The following GNA12 variants were observed in gnomAD, a reference collection of about 807,000 sequenced individuals.
GNA12 encodes guanine nucleotide-binding protein subunit alpha-12.
In GNA12, 9 loss-of-function variants were observed where a neutral mutation model predicts 26.0. The observed-to-expected ratio is 0.35, with a 90% CI of 0.21 to 0.60. The LOEUF is 0.60. Ranked by LOEUF, GNA12 falls within the 20% of genes least tolerant of loss-of-function variation. The probability of loss-of-function intolerance (pLI) is 0.78; values close to 1 mark genes in which losing one functional copy is unlikely to be tolerated. For missense variants in GNA12, 405 were observed against 525.8 expected (o/e 0.77, Z 2.25); for synonymous variants, 264 against 219.6 (o/e 1.20, Z -1.79).
At chr7:2,782,008 A>C (rs768267784) in intron 2 of GNA12, among the ~76,000 whole-genome samples, 7 of 152,226 alleles carry the variant, frequency 4.6e-5, no homozygotes, top group Non-Finnish European at 1.0e-4. Flanking sequence ...ATAAACCCAC[A>C]TATCTATGGC....
chr7:2,811,240 G>A (rs1393935117), intron 1 of GNA12, among the ~76,000 whole-genome samples: 1 of 151,152 alleles, frequency 6.6e-6, no homozygotes, highest in East Asian at 1.9e-4. Flanking sequence ...TGACTTCTGT[G>A]CACAACATCT....
intron 2 of GNA12, among the ~76,000 whole-genome samples, chr7:2,766,277 T>A (rs549079343): frequency 3.3e-5 from 5 of 152,322 alleles, no homozygotes; most frequent in African/African-American, 1.2e-4. Flanking sequence ...TTGTAGCTAG[T>A]ATGTTAGCTG....
At chr7:2,802,177 T>C (rs947847472) in intron 1 of GNA12, among the ~76,000 whole-genome samples, 1 of 152,090 alleles carries the variant, frequency 6.6e-6, no homozygotes, top group African/African-American at 2.4e-5. Flanking sequence ...AGTAATGGTA[T>C]TACTGAAGTA....
At chr7:2,750,891 T>C (rs1323325130) in intron 2 of GNA12, among the ~76,000 whole-genome samples, 1 of 152,022 alleles carries the variant, frequency 6.6e-6, no homozygotes, top group African/African-American at 2.4e-5. Context: ...AATATGAGGG[T>C]GCGAATGGAA....
chr7:2,752,724 T>A (rs529575463), intron 2 of GNA12, among the ~76,000 whole-genome samples: 1 of 152,272 alleles, frequency 6.6e-6, no homozygotes, highest in Non-Finnish European at 1.5e-5. Flanking sequence ...AACGTGAATT[T>A]TTTTTTGCCG....
At chr7:2,806,093 A>C (rs1056465130) in intron 1 of GNA12, among the ~76,000 whole-genome samples, 38 of 152,384 alleles carry the variant, frequency 2.5e-4, no homozygotes, top group African/African-American at 7.0e-4. Flanking sequence ...TAATGTGGCT[A>C]CTAGAAAATC....
rs1307076562 is a variant in GNA12, at chr7:2,730,867, T to A, written c.*314A>T. ...CACACAACACGGTCCTCAATTAAACTGCGTCAGAAAAAGAGGAACGTTTCT... is the reference window on the plus strand; with the variant it reads ...CACACAACACGGTCCTCAATTAAACAGCGTCAGAAAAAGAGGAACGTTTCT... On this transcript the variant is annotated 3_prime_UTR_variant, in exon 4 of 4. Coordinates refer to ENST00000275364, the MANE Select transcript of GNA12 (RefSeq NM_007353.3). 9.2e-6 allele frequency: 3 copies of A among 325,838 alleles called. No individual in the cohort carries two copies. 20.2% of individuals were successfully genotyped at this position (325,838 alleles called of 1,614,324 possible). A position where few individuals can be genotyped will look rare whatever the true frequency, so the allele number is the denominator to read the frequency against.
At chr7:2,796,462 T>C (rs1319391195) in intron 1 of GNA12, among the ~76,000 whole-genome samples, 1 of 152,102 alleles carries the variant, frequency 6.6e-6, no homozygotes, top group African/African-American at 2.4e-5. Flanking sequence ...CTACCAGCGC[T>C]ACTATTGTCA....
chr7:2,843,965 C>G lies in GNA12; in HGVS notation c.197G>C (p.Gly66Ala). ...RLVKILLLGA[G>A]ESGKSTFLKQ... ...GAGGAACGTGGACTTGCCGCTCTCG[C>G]CCGCGCCCAGCAGCAGGATCTTCAC... The change falls in exon 1 of 4, where the codon GGC becomes GCC. Residue 66 changes from glycine (G) to alanine (A), a missense_variant. Gly to Ala is a moderately conservative substitution (Grantham distance 60). Coordinates refer to ENST00000275364, the MANE Select transcript of GNA12 (RefSeq NM_007353.3). The G allele has an allele frequency of 6.3e-7, 1 of 1,589,710 alleles. No individual in the cohort carries two copies. Among genetic ancestry groups the G allele is most frequent in the Non-Finnish European group, 8.5e-7 (1 of 1,170,046 alleles).
chr7:2,797,586 G>A (rs570621896), intron 1 of GNA12, among the ~76,000 whole-genome samples: 1 of 152,258 alleles, frequency 6.6e-6, no homozygotes, highest in East Asian at 1.9e-4. Flanking sequence ...ACCCAGGGCA[G>A]AGCAGATGAA....
intron 2 of GNA12, among the ~76,000 whole-genome samples, chr7:2,756,907 C>G (rs1014349961): frequency 5.3e-5 from 8 of 151,774 alleles, no homozygotes; most frequent in African/African-American, 1.9e-4. Context: ...GACCTCATCT[C>G]TATTAAAAAT....
intron 2 of GNA12, among the ~76,000 whole-genome samples, chr7:2,789,482 C>A (rs904290096): frequency 6.6e-5 from 10 of 152,168 alleles, no homozygotes; most frequent in Admixed American, 2.0e-4. Context: ...GGAAAAACAG[C>A]AACTCAGATC....
chr7:2,770,818 C>T (rs989975687), intron 2 of GNA12, among the ~76,000 whole-genome samples: 7 of 152,146 alleles, frequency 4.6e-5, no homozygotes, highest in African/African-American at 9.7e-5. Flanking sequence ...AACCGAATGC[C>T]CCTTCACTGT....
chr7:2,791,754 G>T (rs1792525626), intron 2 of GNA12, among the ~76,000 whole-genome samples: 1 of 152,206 alleles, frequency 6.6e-6, no homozygotes, highest in South Asian at 2.1e-4. Flanking sequence ...CCTGGTAACG[G>T]TGACTTCAGA....
intron 1 of GNA12, chr7:2,814,996 CAG>C (rs1793183245): frequency 4.5e-6 from 7 of 1,544,072 alleles, no homozygotes; most frequent in African/African-American, 1.4e-5. Flanking sequence ...TCACTGTATC[CAG>C]GTCTAATCTC....
intron 1 of GNA12, among the ~76,000 whole-genome samples, chr7:2,837,484 G>C (rs1778871714): frequency 6.6e-6 from 1 of 152,210 alleles, no homozygotes; most frequent in Non-Finnish European, 1.5e-5. Context: ...ACAGATTCAA[G>C]AAGCCAAGCA....
At chr7:2,775,031 G>C (rs942414802) in intron 2 of GNA12, among the ~76,000 whole-genome samples, 3 of 152,180 alleles carry the variant, frequency 2.0e-5, no homozygotes, top group African/African-American at 7.2e-5. Flanking sequence ...AAACAATTTG[G>C]ACTTTTCACT....
chr7:2,733,987 G>C (rs752644388), intron 2 of GNA12, among the ~76,000 whole-genome samples: 24 of 152,330 alleles, frequency 1.6e-4, no homozygotes, highest in Admixed American at 3.3e-4. Flanking sequence ...ACATCTTCCA[G>C]TTTCTAGAAA....
chr7:2,791,157 A>G lies in GNA12; in HGVS notation c.525+3771T>C, dbSNP rs190024422. ...AAAAAAGAGGACAGACAAGAAGATA[A>G]TATTTATATTAGTTATACCGATGAC... On this transcript the variant is annotated intron_variant, in intron 2 of 3. Transcript: ENST00000275364. 9.6e-3 allele frequency among the ~76,000 whole-genome samples: 1,460 copies of G among 152,314 alleles called. 10 individuals carry two copies. Among genetic ancestry groups the G allele is most frequent in the Middle Eastern group, 0.075 (22 of 294 alleles).
Sources: gnomAD v4.1 joint callset for allele counts (sites outside exome capture counted in the v4.1 genomes callset) on GRCh38, gnomAD v4.1.1 for gene constraint, MANE v1.5 for transcripts, NCBI Gene and HGNC (gene_info 2026-07-23, HGNC 2026-07-21) for gene names.